Variants in RAPGEF4 observed in about 807,000 individuals in gnomAD.
RAPGEF4 encodes RAP guanine-nucleotide-exchange factor (GEF) 4.
In RAPGEF4, 66 loss-of-function variants were observed where a neutral mutation model predicts 147.9. The observed-to-expected ratio is 0.45, with a 90% CI of 0.37 to 0.55. RAPGEF4 has a LOEUF of 0.55. Among genes scored for constraint, RAPGEF4 ranks in the 20% least tolerant of loss-of-function variants. The pLI is 0.00. For synonymous variants in RAPGEF4, 419 were observed against 442.7 expected, an observed-to-expected ratio of 0.95 and a Z score of 0.67; for missense variants, 1,071 against 1,257.3, an observed-to-expected ratio of 0.85 and a Z score of 2.24.
At chr2:172,778,163 T>C (rs1684353982) in intron 1 of RAPGEF4, among the ~76,000 whole-genome samples, 1 of 152,200 alleles carries the variant, frequency 6.6e-6, no homozygotes, top group African/African-American at 2.4e-5. Flanking sequence ...AGTGAGCTGA[T>C]GAAATTAGTT....
Position 172,965,488 on chromosome 2 carries a change from T to C in RAPGEF4, c.699-74T>C, listed in dbSNP as rs1157525333. The C allele has an allele frequency of 5.2e-6, 8 of 1,525,942 alleles. No individual in the cohort carries two copies. The Admixed American group carries it at 1.3e-4, about 26-fold the overall frequency. 94.5% of individuals were successfully genotyped at this position (1,525,942 alleles called of 1,614,324 possible). A position where few individuals can be genotyped will look rare whatever the true frequency, so the allele number is the denominator to read the frequency against. On this transcript the variant is annotated intron_variant, in intron 8 of 30. Coordinates refer to ENST00000397081, the MANE Select transcript of RAPGEF4 (RefSeq NM_007023.4). Reference sequence around the variant, plus strand: ...CATTAAGCCCTTTGGTAGGTTTTCCTCTCAAAAGCCATCTCCCATCCTCTA... The same window carrying C: ...CATTAAGCCCTTTGGTAGGTTTTCCCCTCAAAAGCCATCTCCCATCCTCTA...
At chr2:173,026,931 T>G in intron 24 of RAPGEF4, 150 bp from the exon 25 acceptor site, 2 of 831,918 alleles carry the variant, frequency 2.4e-6, no homozygotes, top group South Asian at 4.1e-5. Flanking sequence ...TAGTTTATAT[T>G]TATATATTTA....
At chr2:172,799,237 G>A (rs182555180) in intron 3 of RAPGEF4, among the ~76,000 whole-genome samples, 75 of 152,260 alleles carry the variant, frequency 4.9e-4, no homozygotes, top group Non-Finnish European at 8.5e-4. Flanking sequence ...AGTCAACCAT[G>A]AGGTAGGTCG....
chr2:172,988,889 A>G (rs769318465), intron 14 of RAPGEF4, 50 bp downstream of exon 14: 7 of 1,568,126 alleles, frequency 4.5e-6, no homozygotes, highest in Non-Finnish European at 6.1e-6. Flanking sequence ...TTTTTCTTTA[A>G]CTAAATAAGC....
rs139102560 is a variant in RAPGEF4 at position 172,983,567 on chromosome 2, A to G, written c.1076A>G (p.His359Arg). ...CTTCTTCATATTAAAGCCTTATCCC[A>G]TCTTTCTACCACAGTAAGTTGTCTC... ...EELLHIKALSHLSTTVKRELA... is the reference protein window; with the variant it reads ...EELLHIKALSRLSTTVKRELA... Residue 359 changes from histidine (H) to arginine (R), a missense_variant, in exon 11 of 31, where the codon CAT (histidine) becomes CGT (arginine). Physicochemically the swap from His to Arg is conservative, Grantham distance 29 (BLOSUM62 0). Transcript: ENST00000397081. The G allele has an allele frequency of 1.2e-4, 189 of 1,613,366 alleles. 1 individual carries two copies. In the East Asian group the frequency reaches 4.1e-3, roughly 35 times the overall value.
At position 173,036,658 on chromosome 2, in the gene RAPGEF4, C is replaced by A. The variant is rs142094742; in HGVS notation, c.2819C>A (p.Thr940Lys). 1.9e-6 allele frequency: 3 copies of A among 1,610,962 alleles called. No homozygotes were observed. In the Admixed American group the frequency reaches 5.0e-5, roughly 27 times the overall value. Residue 940 changes from threonine (T) to lysine (K), a missense_variant, in exon 29 of 31, where the codon ACG becomes AAG. Physicochemically the swap from Thr to Lys is moderately conservative, Grantham distance 78. Coordinates refer to ENST00000397081, the MANE Select transcript of RAPGEF4 (RefSeq NM_007023.4). Reference protein sequence around the residue: ...DMTFTHEGNKTFIDNLVNFEK... With the variant: ...DMTFTHEGNKKFIDNLVNFEK... ...ACATTTACTCATGAGGGGAACAAGA[C>A]GTTCATTGACAATCTAGTAAACTTT...
At position 172,797,625 on chromosome 2, in the gene RAPGEF4, TA is replaced by T. The variant is rs1686508594; in HGVS notation, c.297+13del. ...CCAGCAGTCACCAGGTAATATGGTC[TA>T]TTTTTTTGAAAGTAGGATTTATTTT... On this transcript the variant is annotated intron_variant, in intron 3 of 30. Coordinates refer to ENST00000397081, the MANE Select transcript of RAPGEF4 (RefSeq NM_007023.4). 2 of 1,596,430 alleles carry T rather than the reference TA, an allele frequency of 1.3e-6. No individual in the cohort carries two copies. The highest frequency in any genetic ancestry group is 1.3e-5 in the African/African-American group (1 of 74,502).
At chr2:173,011,561 T>C (rs572041201) in intron 17 of RAPGEF4, among the ~76,000 whole-genome samples, 5 of 151,980 alleles carry the variant, frequency 3.3e-5, no homozygotes, top group South Asian at 2.1e-4. Context: ...TCTCTCTCTC[T>C]CCCCCCACTC....
At chr2:172,982,172 C>G (rs1049268471) in intron 10 of RAPGEF4, among the ~76,000 whole-genome samples, 1 of 152,184 alleles carries the variant, frequency 6.6e-6, no homozygotes, top group African/African-American at 2.4e-5. Context: ...TACACCAATA[C>G]TCCTCAAATT....
chr2:172,822,546 T>C (rs950149150), intron 4 of RAPGEF4, among the ~76,000 whole-genome samples: 1 of 152,138 alleles, frequency 6.6e-6, no homozygotes, highest in Admixed American at 6.5e-5. Flanking sequence ...TGATCAGGGG[T>C]CTGAGCAGAT....
chr2:172,858,258 G>A (rs72908215), intron 4 of RAPGEF4, among the ~76,000 whole-genome samples: 9 of 152,112 alleles, frequency 5.9e-5, no homozygotes, highest in South Asian at 2.1e-4. Flanking sequence ...TAATTTCATC[G>A]TATTCCTCTT....
intron 4 of RAPGEF4, among the ~76,000 whole-genome samples, chr2:172,825,961 C>A (rs1377618095): frequency 6.6e-6 from 1 of 152,168 alleles, no homozygotes; most frequent in South Asian, 2.1e-4. Context: ...AAATCCATAT[C>A]TTGCCTCTAA....
At chr2:173,026,809 AT>A (rs1696706918) in intron 24 of RAPGEF4, 112 bp downstream of exon 24, 20 of 1,380,512 alleles carry the variant, frequency 1.4e-5, no homozygotes, top group Admixed American at 2.3e-5. Flanking sequence ...CCACATGACC[AT>A]TTTTTTGCAT....
At chr2:173,048,466 T>C (rs945961185) in intron 29 of RAPGEF4, 134 bp from the exon 30 acceptor site, 4 of 1,452,294 alleles carry the variant, frequency 2.8e-6, no homozygotes, top group Non-Finnish European at 3.6e-6. Context: ...GCTAGTTGCC[T>C]TCAGATAGTC....
At chr2:172,748,640 C>T (rs1694989943) in intron 1 of RAPGEF4, among the ~76,000 whole-genome samples, 1 of 152,122 alleles carries the variant, frequency 6.6e-6, no homozygotes, top group South Asian at 2.1e-4. Flanking sequence ...CAAACCATAT[C>T]ATTCTGCCCC....
At chr2:172,921,015 G>C (rs773740539) in intron 5 of RAPGEF4, among the ~76,000 whole-genome samples, 2 of 151,994 alleles carry the variant, frequency 1.3e-5, no homozygotes, top group Non-Finnish European at 2.9e-5. Context: ...GCTTCAATTA[G>C]GGAATGTTTC....
chr2:172,751,754 C>G (rs1189415850), intron 1 of RAPGEF4, among the ~76,000 whole-genome samples: 1 of 152,196 alleles, frequency 6.6e-6, no homozygotes, highest in Non-Finnish European at 1.5e-5. Flanking sequence ...GAACAGAGGT[C>G]GGGCTGGTTA....
intron 4 of RAPGEF4, among the ~76,000 whole-genome samples, chr2:172,915,289 A>G (rs990628137): frequency 6.6e-6 from 1 of 152,188 alleles, no homozygotes; most frequent in Non-Finnish European, 1.5e-5. Flanking sequence ...TTGACCATCA[A>G]CTGGATATTA....
intron 10 of RAPGEF4, 91 bp downstream of exon 10, chr2:172,967,535 A>C: frequency 7.4e-7 from 1 of 1,350,072 alleles, no homozygotes; most frequent in Non-Finnish European, 1.0e-6. Flanking sequence ...CTGCTCTCAA[A>C]AGCCCTGGCC....
Sources: gnomAD v4.1 joint callset for allele counts (sites outside exome capture counted in the v4.1 genomes callset) on GRCh38, gnomAD v4.1.1 for gene constraint, MANE v1.5 for transcripts, NCBI Gene and HGNC (gene_info 2026-07-23, HGNC 2026-07-21) for gene names.